CLMN: variants seen among roughly 807,000 people sequenced by gnomAD.
CLMN encodes calmin (calponin-like, transmembrane).
Under a neutral mutation model 92.7 loss-of-function variants are expected in CLMN, and 57 were observed. The ratio of observed to expected loss-of-function variants is 0.61; its 90% CI spans 0.50 to 0.77. The LOEUF (loss-of-function observed/expected upper bound fraction) is 0.77, where lower values mean the gene tolerates loss of function less well. CLMN is among the 30% of genes least tolerant of loss of function. CLMN has a pLI of 0.00. For synonymous variants in CLMN, 466 were observed against 470.6 expected, an observed-to-expected ratio of 0.99 and a Z score of 0.13; for missense variants, 1,158 against 1,237.5, an observed-to-expected ratio of 0.94 and a Z score of 0.96.
intron 7 of CLMN, among the ~76,000 whole-genome samples, 177 bp downstream of exon 7, chr14:95,210,509 A>T (rs1323478328): frequency 6.6e-6 from 1 of 152,252 alleles, no homozygotes; most frequent in African/African-American, 2.4e-5. Flanking sequence ...ATGTAAAAAT[A>T]TAATTAGAGG....
At chr14:95,249,725 G>A (rs1898710051) in intron 1 of CLMN, among the ~76,000 whole-genome samples, 1 of 152,074 alleles carries the variant, frequency 6.6e-6, no homozygotes, top group Admixed American at 6.5e-5. Context: ...CCAAGTAGCT[G>A]GGACTACAGG....
chr14:95,285,869 C>T (rs1246923483), intron 1 of CLMN, among the ~76,000 whole-genome samples: 1 of 152,146 alleles, frequency 6.6e-6, no homozygotes, highest in Non-Finnish European at 1.5e-5. Flanking sequence ...TCAACCACGG[C>T]ACTCTTTCCC....
At chr14:95,210,984 C>T in intron 6 of CLMN, 105 bp from the exon 7 acceptor site, 1 of 1,193,976 alleles carries the variant, frequency 8.4e-7, no homozygotes, top group South Asian at 1.7e-5. Context: ...TGGGGCAGAG[C>T]TGCCGACCTC....
At chr14:95,221,612 G>T (rs375803823) in intron 4 of CLMN, 79 bp downstream of exon 4, 1 of 1,264,492 alleles carries the variant, frequency 7.9e-7, no homozygotes, top group South Asian at 1.3e-5. Context: ...CTTCTCTTGC[G>T]ACCAGCACTG....
intron 1 of CLMN, among the ~76,000 whole-genome samples, chr14:95,303,316 T>C (rs1901136385): frequency 6.6e-6 from 1 of 152,224 alleles, no homozygotes; most frequent in Non-Finnish European, 1.5e-5. Flanking sequence ...AAGCACCCTA[T>C]GTGCAGCAGA....
intron 4 of CLMN, among the ~76,000 whole-genome samples, chr14:95,220,845 G>T (rs1897515041): frequency 1.3e-5 from 2 of 152,220 alleles, no homozygotes; most frequent in Admixed American, 1.3e-4. Context: ...CTGCCCAGAG[G>T]TTGCAGGGGC....
At chr14:95,299,256 C>T (rs1240870698) in intron 1 of CLMN, among the ~76,000 whole-genome samples, 2 of 152,110 alleles carry the variant, frequency 1.3e-5, no homozygotes, top group African/African-American at 4.8e-5. Flanking sequence ...AAGGCTCATC[C>T]AAGTCAGGAG....
At chr14:95,291,573 G>A (rs1466634431) in intron 1 of CLMN, among the ~76,000 whole-genome samples, 2 of 152,192 alleles carry the variant, frequency 1.3e-5, no homozygotes, top group Non-Finnish European at 2.9e-5. Flanking sequence ...GAGTCAGACT[G>A]GCCCCAGCAA....
At chr14:95,283,166 G>T (rs185985722) in intron 1 of CLMN, among the ~76,000 whole-genome samples, 168 of 152,354 alleles carry the variant, frequency 1.1e-3, no homozygotes, top group African/African-American at 3.9e-3. Flanking sequence ...TATTTCCCAT[G>T]CTATTCTTGT....
chr14:95,310,253 T>C (rs550226288), intron 1 of CLMN, among the ~76,000 whole-genome samples: 38 of 152,346 alleles, frequency 2.5e-4, no homozygotes, highest in South Asian at 4.1e-4. Flanking sequence ...GACTCAGGTA[T>C]TTCTTTAGAG....
At position 95,293,818 on chromosome 14, in the gene CLMN, C is replaced by T. The variant is rs550388670; in HGVS notation, c.82+25893G>A. Among the ~76,000 whole-genome samples, 5 of 152,136 alleles carry T rather than the reference C, an allele frequency of 3.3e-5. No homozygotes were observed. The South Asian group carries it at 1.0e-3, about 32-fold the overall frequency. On this transcript the variant is annotated intron_variant, in intron 1 of 12. Coordinates refer to ENST00000298912, the MANE Select transcript of CLMN (RefSeq NM_024734.4). ...CCTTCCTTTCCCAAGGGTCTCGGGA[C>T]CATCACACAAACCTGCAGTCTCTAG...
intron 1 of CLMN, among the ~76,000 whole-genome samples, chr14:95,300,485 G>C (rs1328552078): frequency 6.6e-6 from 1 of 152,214 alleles, no homozygotes; most frequent in Non-Finnish European, 1.5e-5. Context: ...TCACCTGGCA[G>C]GGCACAGGGC....
At chr14:95,196,761 C>G (rs189614828) in intron 9 of CLMN, 67 bp from the exon 10 acceptor site, 7 of 1,500,712 alleles carry the variant, frequency 4.7e-6, no homozygotes, top group Non-Finnish European at 6.4e-6. Flanking sequence ...GTGACATCAC[C>G]CAGCAGTGCT....
intron 1 of CLMN, among the ~76,000 whole-genome samples, chr14:95,274,975 T>A: frequency 7.7e-6 from 1 of 129,110 alleles, no homozygotes; most frequent in African/African-American, 3.3e-5. Flanking sequence ...CAACACTCTG[T>A]CTCAAAAAAA....
chr14:95,268,040 A>G (rs189028177), intron 1 of CLMN, among the ~76,000 whole-genome samples: 75 of 152,318 alleles, frequency 4.9e-4, no homozygotes, highest in South Asian at 4.8e-3. Flanking sequence ...GGGGATGAAG[A>G]GAAGTTGATT....
chr14:95,239,038 C>A (rs548025915), intron 1 of CLMN, among the ~76,000 whole-genome samples: 1 of 152,264 alleles, frequency 6.6e-6, no homozygotes, highest in South Asian at 2.1e-4. Context: ...CAGTGCTAAA[C>A]CTCAGCCCAC....
chr14:95,203,520 A>G lies in CLMN; in HGVS notation c.1829T>C (p.Ile610Thr), dbSNP rs1348943230. ...NHAEKLGKRS[I>T]KSAHKKKDSP... The stretch of plus-strand genomic sequence containing the variant: ...ATCCTTCTTTTTGTGAGCAGATTTA[A>G]TACTCCTTTTACCTAGTTTTTCAGC... The change falls in exon 9 of 13, where the codon ATT becomes ACT. Residue 610 changes from isoleucine to threonine, a missense_variant. Transcript: ENST00000298912. 3 of 1,613,970 alleles carry G rather than the reference A, an allele frequency of 1.9e-6. No individual in the cohort carries two copies. Among genetic ancestry groups the G allele is most frequent in the Non-Finnish European group, 2.5e-6 (3 of 1,180,028 alleles).
At chr14:95,311,125 G>A (rs960750290) in intron 1 of CLMN, among the ~76,000 whole-genome samples, 8 of 152,086 alleles carry the variant, frequency 5.3e-5, no homozygotes, top group Admixed American at 4.6e-4. Flanking sequence ...GACGGGACAC[G>A]GGAGGCGAGG....
chr14:95,242,574 C>CTTTCTTTTTTTTTTTTTTT (rs749024477), intron 1 of CLMN, among the ~76,000 whole-genome samples: 6 of 119,852 alleles, frequency 5.0e-5, no homozygotes, highest in African/African-American at 1.2e-4. Flanking sequence ...ATCTCTTTTT[C>CTTTCTTTTTTTTTTTTTTT]TTTTTTTTTG....
Sources: allele counts gnomAD v4.1 joint callset (sites outside exome capture counted in the v4.1 genomes callset), GRCh38; gene constraint gnomAD v4.1.1; transcripts MANE v1.5; gene names NCBI Gene and HGNC (gene_info 2026-07-23, HGNC 2026-07-21).